The following PCDH15 variants were observed in gnomAD, a reference collection of about 807,000 sequenced individuals.
The protein encoded by PCDH15 is protocadherin-15.
In PCDH15, 129 loss-of-function variants were observed where a neutral mutation model predicts 178.5. The ratio of observed to expected loss-of-function variants is 0.72; its 90% CI spans 0.63 to 0.84. PCDH15 has a LOEUF of 0.84. Ranked by LOEUF, PCDH15 falls within the 40% of genes least tolerant of loss-of-function variation. PCDH15 has a pLI of 0.00. For synonymous variants in PCDH15, 800 were observed against 732.0 expected (o/e 1.09, Z -1.50); for missense variants, 2,230 against 2,099.9 (o/e 1.06, Z -1.21).
rs74136254 is a variant in PCDH15, at chr10:54,737,027, A to G, written c.-29+63898T>C. On this transcript the variant is annotated intron_variant, in intron 1 of 37. Coordinates refer to ENST00000644397, the MANE Select transcript of PCDH15 (RefSeq NM_001384140.1). ...ACCAGAGGGAGCACTACCTTCCTGT[A>G]CAAATGGATTGCACATCCATGAGTG... 9.2e-5 allele frequency among the ~76,000 whole-genome samples: 14 copies of G among 152,244 alleles called. No homozygotes were observed. In the East Asian group the frequency reaches 2.7e-3, roughly 29 times the overall value.
At chr10:54,679,247 T>A (rs996700838) in intron 1 of PCDH15, among the ~76,000 whole-genome samples, 3 of 151,420 alleles carry the variant, frequency 2.0e-5, no homozygotes, top group African/African-American at 7.3e-5. Context: ...ATATAGTAGA[T>A]TGTCCAATAT....
At chr10:55,259,190 G>A (rs1252072207) in intron 1 of PCDH15, among the ~76,000 whole-genome samples, 1 of 152,090 alleles carries the variant, frequency 6.6e-6, no homozygotes, top group East Asian at 1.9e-4. Flanking sequence ...ATGTCAACTA[G>A]AAAGTTCAAC....
At chr10:54,729,316 G>A (rs2384527) in intron 1 of PCDH15, among the ~76,000 whole-genome samples, 18,497 of 151,454 alleles carry the variant, frequency 0.12, 1,256 homozygotes, top group African/African-American at 0.17. Flanking sequence ...ACAACCAATG[G>A]GAAACAACTC....
chr10:54,431,995 A>G, intron 3 of PCDH15, among the ~76,000 whole-genome samples: 1 of 152,038 alleles, frequency 6.6e-6, no homozygotes, highest in East Asian at 1.9e-4. Flanking sequence ...AAAATAATAT[A>G]CCTAAGAATT....
chr10:53,877,480 A>AAGTATG (rs2080331036), intron 26 of PCDH15, among the ~76,000 whole-genome samples: 1 of 151,972 alleles, frequency 6.6e-6, no homozygotes, highest in African/African-American at 2.4e-5. Context: ...TAAACAGCTT[A>AAGTATG]TCTTTTACAA....
chr10:54,401,462 C>G (rs551546693), intron 3 of PCDH15, among the ~76,000 whole-genome samples: 1 of 151,938 alleles, frequency 6.6e-6, no homozygotes, highest in East Asian at 1.9e-4. Context: ...AGAAATAACT[C>G]CTTATTCTAA....
intron 3 of PCDH15, among the ~76,000 whole-genome samples, chr10:54,484,023 AT>A (rs1484854363): frequency 2.0e-5 from 3 of 151,794 alleles, no homozygotes; most frequent in Non-Finnish European, 4.4e-5. Flanking sequence ...TCCAAAACTA[AT>A]TTTTTATGTC....
At chr10:55,228,949 C>T (rs1841134201) in intron 1 of PCDH15, among the ~76,000 whole-genome samples, 2 of 151,920 alleles carry the variant, frequency 1.3e-5, no homozygotes, top group South Asian at 2.1e-4. Flanking sequence ...ATATAAATTA[C>T]ATTACAAGGT....
intron 2 of PCDH15, among the ~76,000 whole-genome samples, chr10:55,607,066 C>A (rs1256899135): frequency 7.9e-5 from 12 of 152,110 alleles, no homozygotes; most frequent in Non-Finnish European, 1.2e-4. Flanking sequence ...AAACAAACAA[C>A]CCTATCAAAA....
intron 3 of PCDH15, among the ~76,000 whole-genome samples, chr10:54,853,289 GTATATATATATATATATA>G (rs71014423): frequency 9.7e-6 from 1 of 102,576 alleles, no homozygotes; most frequent in Non-Finnish European, 1.9e-5. Context: ...ATGTATGTGT[GTATATATATATATATATA>G]TATATATATA....
intron 2 of PCDH15, among the ~76,000 whole-genome samples, chr10:55,156,727 C>A (rs1216103865): frequency 6.6e-6 from 1 of 151,998 alleles, no homozygotes; most frequent in Non-Finnish European, 1.5e-5. Context: ...TGACCTTATT[C>A]CAGAGGGGGA....
At chr10:54,929,675 A>G (rs774256655) in intron 2 of PCDH15, among the ~76,000 whole-genome samples, 9 of 152,260 alleles carry the variant, frequency 5.9e-5, no homozygotes, top group Non-Finnish European at 1.2e-4. Flanking sequence ...GAAGTTGCCA[A>G]TAGTTTAAAA....
At chr10:55,232,475 A>C (rs1211885374) in intron 1 of PCDH15, among the ~76,000 whole-genome samples, 1 of 152,122 alleles carries the variant, frequency 6.6e-6, no homozygotes, top group East Asian at 1.9e-4. Context: ...GTTAGGCAGA[A>C]TCTAAGAGGA....
intron 37 of PCDH15, chr10:53,808,651 A>G (rs745675985): frequency 7.0e-5 from 111 of 1,588,310 alleles, no homozygotes; most frequent in Non-Finnish European, 9.0e-5. Flanking sequence ...TGCACACGAG[A>G]GCACTCATCA....
intron 18 of PCDH15, among the ~76,000 whole-genome samples, chr10:54,048,250 ATTTCT>A (rs2093695556): frequency 6.6e-6 from 1 of 151,726 alleles, no homozygotes; most frequent in African/African-American, 2.4e-5. Flanking sequence ...TAATGGCCTT[ATTTCT>A]TTTTTGTTTG....
intron 20 of PCDH15, among the ~76,000 whole-genome samples, chr10:54,003,090 G>A (rs1441429273): frequency 2.0e-5 from 3 of 152,206 alleles, no homozygotes; most frequent in Non-Finnish European, 2.9e-5. Context: ...GATTCAATAG[G>A]ATATACTGAA....
chr10:54,826,127 T>C (rs1212033427), intron 3 of PCDH15, among the ~76,000 whole-genome samples: 1 of 152,074 alleles, frequency 6.6e-6, no homozygotes, highest in African/African-American at 2.4e-5. Context: ...TTGTTTAATA[T>C]CTTTATGCCT....
intron 2 of PCDH15, among the ~76,000 whole-genome samples, chr10:55,079,241 C>T (rs1304929053): frequency 6.6e-6 from 1 of 152,062 alleles, no homozygotes; most frequent in Non-Finnish European, 1.5e-5. Flanking sequence ...TTCCAGTATC[C>T]TGAATTTGCT....
chr10:55,566,014 C>T lies in PCDH15; in HGVS notation c.-156+61611G>A, dbSNP rs559735324. 7.9e-5 allele frequency among the ~76,000 whole-genome samples: 12 copies of T among 151,674 alleles called. No homozygotes were observed. The South Asian group carries it at 1.9e-3, about 24-fold the overall frequency. The stretch of plus-strand genomic sequence containing the variant: ...GACATCATTACCCTAATACCATAGA[C>T]GTATCCTTTATAAACACTGATGCAA... On this transcript the variant is annotated intron_variant, in intron 2 of 5. Transcript: ENST00000613346.
Sources: gnomAD v4.1 joint callset for allele counts (sites outside exome capture counted in the v4.1 genomes callset) on GRCh38, gnomAD v4.1.1 for gene constraint, MANE v1.5 for transcripts, NCBI Gene and HGNC (gene_info 2026-07-23, HGNC 2026-07-21) for gene names.